PTPRD: variants seen among roughly 807,000 people sequenced by gnomAD.
PTPRD encodes the protein receptor-type tyrosine-protein phosphatase delta.
A neutral mutation model predicts 214.5 loss-of-function variants in PTPRD; 34 were observed. The ratio of observed to expected loss-of-function variants is 0.16; its 90% CI spans 0.12 to 0.21. The LOEUF is 0.21. Ranked by LOEUF, PTPRD falls within the 10% of genes least tolerant of loss-of-function variation. PTPRD has a pLI of 1.00. For synonymous variants in PTPRD, 1,128 were observed against 845.7 expected (o/e 1.33, Z -5.79); for missense variants, 2,545 against 2,398.7 (o/e 1.06, Z -1.27).
chr9:9,031,105 G>C (rs148104988), intron 10 of PTPRD, among the ~76,000 whole-genome samples: 24 of 152,098 alleles, frequency 1.6e-4, no homozygotes, highest in African/African-American at 5.1e-4. Flanking sequence ...CATCTTGGTA[G>C]AATTGAATGT....
At chr9:10,516,781 T>G (rs931353956) in intron 2 of PTPRD, among the ~76,000 whole-genome samples, 1 of 152,012 alleles carries the variant, frequency 6.6e-6, no homozygotes, top group Non-Finnish European at 1.5e-5. Flanking sequence ...AATTTTATTA[T>G]TTTGCATTTG....
chr9:10,290,683 A>C (rs898394218), intron 3 of PTPRD, among the ~76,000 whole-genome samples: 8 of 152,286 alleles, frequency 5.3e-5, no homozygotes, highest in Middle Eastern at 3.4e-3. Flanking sequence ...TGTGTTATTT[A>C]AAAATGCATT....
intron 4 of PTPRD, among the ~76,000 whole-genome samples, chr9:9,955,239 G>A (rs2093805141): frequency 6.6e-6 from 1 of 152,116 alleles, no homozygotes; most frequent in East Asian, 1.9e-4. Context: ...AATGAATAAT[G>A]CATGAATGAG....
intron 11 of PTPRD, among the ~76,000 whole-genome samples, chr9:9,002,752 A>G (rs559425094): frequency 3.9e-5 from 6 of 152,108 alleles, no homozygotes; most frequent in African/African-American, 1.4e-4. Flanking sequence ...TTAATATCCT[A>G]ATCCCTCTAG....
At chr9:9,890,695 A>G (rs943866354) in intron 5 of PTPRD, among the ~76,000 whole-genome samples, 20 of 151,980 alleles carry the variant, frequency 1.3e-4, no homozygotes, top group African/African-American at 4.8e-4. Flanking sequence ...TCTGTGCAAA[A>G]GGTAGGGAAG....
chr9:8,705,708 G>A (rs1434050338), intron 12 of PTPRD, among the ~76,000 whole-genome samples: 1 of 152,102 alleles, frequency 6.6e-6, no homozygotes, highest in Non-Finnish European at 1.5e-5. Context: ...TTTAAAGGAA[G>A]CACATACATG....
intron 3 of PTPRD, among the ~76,000 whole-genome samples, chr9:10,337,299 G>A (rs548235833): frequency 6.6e-6 from 1 of 151,616 alleles, no homozygotes; most frequent in East Asian, 2.0e-4. Flanking sequence ...TAAAGGGTGA[G>A]TATACATGTA....
intron 4 of PTPRD, among the ~76,000 whole-genome samples, chr9:9,948,864 T>C (rs764815511): frequency 6.6e-6 from 1 of 151,952 alleles, no homozygotes; most frequent in Non-Finnish European, 1.5e-5. Flanking sequence ...AAAAAGATAA[T>C]TGCAAAGAAC....
At chr9:9,976,472 T>G (rs145960451) in intron 4 of PTPRD, among the ~76,000 whole-genome samples, 1,641 of 151,784 alleles carry the variant, frequency 0.011, 18 homozygotes, top group Non-Finnish European at 0.014. Context: ...CTGCAACCTT[T>G]GCCTCCTGAG....
At chr9:8,636,395 A>G (rs760934747) in intron 13 of PTPRD, among the ~76,000 whole-genome samples, 1 of 152,156 alleles carries the variant, frequency 6.6e-6, no homozygotes, top group African/African-American at 2.4e-5. Context: ...GCTTTCATAC[A>G]TCCTACAGAC....
chr9:8,991,451 T>A (rs2099366351), intron 11 of PTPRD, among the ~76,000 whole-genome samples: 1 of 152,098 alleles, frequency 6.6e-6, no homozygotes, highest in Non-Finnish European at 1.5e-5. Flanking sequence ...TCCCTTGCCT[T>A]ATTTAATTTC....
At chr9:10,285,383 A>C (rs1379402528) in intron 3 of PTPRD, among the ~76,000 whole-genome samples, 5 of 152,152 alleles carry the variant, frequency 3.3e-5, no homozygotes, top group Non-Finnish European at 7.3e-5. Flanking sequence ...TCAGAACATC[A>C]AAATGTTGCA....
intron 5 of PTPRD, among the ~76,000 whole-genome samples, chr9:9,825,126 G>A (rs1598866536): frequency 6.6e-6 from 1 of 151,688 alleles, no homozygotes; most frequent in Non-Finnish European, 1.5e-5. Context: ...TTTATTTGAT[G>A]AAATACTTTT....
intron 4 of PTPRD, among the ~76,000 whole-genome samples, chr9:10,011,615 G>C (rs773622917): frequency 6.6e-6 from 1 of 151,884 alleles, no homozygotes; most frequent in African/African-American, 2.4e-5. Flanking sequence ...GATAATATTT[G>C]TGTTTTTGGT....
At chr9:8,756,291 G>T (rs758567402) in intron 11 of PTPRD, among the ~76,000 whole-genome samples, 1 of 152,122 alleles carries the variant, frequency 6.6e-6, no homozygotes, top group Non-Finnish European at 1.5e-5. Context: ...TTATATAATA[G>T]ATTTGCTAGG....
intron 5 of PTPRD, among the ~76,000 whole-genome samples, chr9:9,924,879 T>G (rs1244899585): frequency 6.6e-6 from 1 of 152,140 alleles, no homozygotes; most frequent in Non-Finnish European, 1.5e-5. Flanking sequence ...TATGTTTGAA[T>G]GAAGCACCTT....
intron 10 of PTPRD, among the ~76,000 whole-genome samples, chr9:9,169,686 G>T (rs2099910832): frequency 6.6e-6 from 1 of 152,018 alleles, no homozygotes; most frequent in Admixed American, 6.6e-5. Context: ...TTTCTTGTTG[G>T]AAAACAAAGA....
At chr9:10,332,116 T>C (rs113938655) in intron 3 of PTPRD, among the ~76,000 whole-genome samples, 1,616 of 152,016 alleles carry the variant, frequency 0.011, 22 homozygotes, top group African/African-American at 0.037. Context: ...TACTGATGGA[T>C]GCATTTCATG....
At chr9:9,495,308 G>C (rs936920586) in intron 8 of PTPRD, among the ~76,000 whole-genome samples, 10 of 129,328 alleles carry the variant, frequency 7.7e-5, no homozygotes, top group African/African-American at 3.0e-4. Context: ...CCACCTTCAA[G>C]CCAAAAAAAA....
Sources: allele counts gnomAD v4.1 joint callset (sites outside exome capture counted in the v4.1 genomes callset), GRCh38; gene constraint gnomAD v4.1.1; transcripts MANE v1.5; gene names NCBI Gene and HGNC (gene_info 2026-07-23, HGNC 2026-07-21).